PSMD1: variants seen among roughly 807,000 people sequenced by gnomAD.
PSMD1 encodes the protein proteasome 26S subunit, non-ATPase 1.
In PSMD1, 18 loss-of-function variants were observed where a neutral mutation model predicts 119.0. The observed-to-expected ratio is 0.15, with a 90% CI of 0.10 to 0.22. The LOEUF is 0.22. Among genes scored for constraint, PSMD1 ranks in the 10% least tolerant of loss-of-function variants. PSMD1 has a pLI of 1.00. For missense variants in PSMD1, 702 were observed against 1,158.5 expected (o/e 0.61, Z 5.72); for synonymous variants, 374 against 396.6 (o/e 0.94, Z 0.68).
chr2:231,080,049 A>AT, intron 11 of PSMD1, 92 bp from the exon 12 acceptor site: 1 of 1,171,260 alleles, frequency 8.5e-7, no homozygotes, highest in South Asian at 1.7e-5. Flanking sequence ...GCAAGTGAAC[A>AT]TTCTGGGGAA....
At chr2:231,157,346 G>A (rs925917282) in intron 19 of PSMD1, among the ~76,000 whole-genome samples, 13 of 150,538 alleles carry the variant, frequency 8.6e-5, no homozygotes, top group East Asian at 1.9e-4. Context: ...TCTATGTTTC[G>A]CCTCTTCTCT....
intron 20 of PSMD1, 42 bp downstream of exon 20, chr2:231,161,551 C>G: frequency 6.5e-7 from 1 of 1,545,570 alleles, no homozygotes. Flanking sequence ...TTCCTGTTCA[C>G]CGTATCTTAT....
intron 18 of PSMD1, among the ~76,000 whole-genome samples, chr2:231,148,806 T>C (rs994631509): frequency 6.6e-6 from 1 of 152,196 alleles, no homozygotes; most frequent in African/African-American, 2.4e-5. Context: ...CTTTCCTTTA[T>C]CTGATAATTG....
intron 16 of PSMD1, chr2:231,124,951 A>T (rs1695684154): frequency 6.6e-6 from 1 of 152,130 alleles, no homozygotes; most frequent in South Asian, 2.1e-4. Context: ...TTAATTCCAT[A>T]TGTGTTTATT....
At chr2:231,159,981 G>A (rs1483289674) in intron 19 of PSMD1, among the ~76,000 whole-genome samples, 1 of 152,234 alleles carries the variant, frequency 6.6e-6, no homozygotes, top group African/African-American at 2.4e-5. Context: ...GCAGAGCTCA[G>A]GTGGTAATGC....
intron 16 of PSMD1, among the ~76,000 whole-genome samples, chr2:231,130,660 A>G (rs1467709924): frequency 6.6e-6 from 1 of 152,032 alleles, no homozygotes; most frequent in Non-Finnish European, 1.5e-5. Context: ...GTTTCGCGGG[A>G]ATGCCAAGGC....
chr2:231,137,339 T>C (rs1245695642), intron 16 of PSMD1, among the ~76,000 whole-genome samples: 1 of 151,860 alleles, frequency 6.6e-6, no homozygotes, highest in Non-Finnish European at 1.5e-5. Flanking sequence ...GGTCTCAAAC[T>C]CCTGACCTCA....
At chr2:231,093,956 A>G (rs1343168291) in intron 16 of PSMD1, among the ~76,000 whole-genome samples, 1 of 152,220 alleles carries the variant, frequency 6.6e-6, no homozygotes, top group Non-Finnish European at 1.5e-5. Flanking sequence ...GCAAAAGTTA[A>G]GAGTAGATGT....
At chr2:231,165,355 A>T (rs547617674) in intron 22 of PSMD1, 69 bp downstream of exon 22, 47 of 1,453,976 alleles carry the variant, frequency 3.2e-5, no homozygotes, top group Non-Finnish European at 4.0e-5. Context: ...ATTCTTCCTT[A>T]GTTGAATATT....
At chr2:231,168,964 G>A (rs1250553342) in intron 23 of PSMD1, among the ~76,000 whole-genome samples, 1 of 152,140 alleles carries the variant, frequency 6.6e-6, no homozygotes, top group African/African-American at 2.4e-5. Flanking sequence ...CCACCATGAG[G>A]CAAGAGGAAG....
intron 22 of PSMD1, 23 bp from the exon 23 acceptor site, chr2:231,165,848 T>C (rs1437681832): frequency 1.3e-6 from 2 of 1,546,932 alleles, no homozygotes; most frequent in African/African-American, 2.8e-5. Context: ...TCTGTTGAAC[T>C]TTTTTTAAAT....
rs1559258501 is a variant in PSMD1 at position 231,172,615 on chromosome 2, A to C, written c.*90A>C. ...GAGGAAATTCATGCCGAGACCTGCTATTCAATGCATGTATCGTTGCCTCTG... is the reference window on the plus strand; with the variant it reads ...GAGGAAATTCATGCCGAGACCTGCTCTTCAATGCATGTATCGTTGCCTCTG... On this transcript the variant is annotated 3_prime_UTR_variant, in exon 25 of 25. Coordinates refer to ENST00000308696, the MANE Select transcript of PSMD1 (RefSeq NM_002807.4). 6.6e-6 allele frequency: 1 copy of C among 152,234 alleles called. No homozygotes were observed. 9.4% of individuals were successfully genotyped at this position (152,234 alleles called of 1,614,324 possible).
chr2:231,126,609 A>T (rs186885563), intron 16 of PSMD1, among the ~76,000 whole-genome samples: 329 of 152,288 alleles, frequency 2.2e-3, no homozygotes, highest in African/African-American at 7.8e-3. Flanking sequence ...TGTATGAAAT[A>T]AGCCTTTATT....
intron 16 of PSMD1, among the ~76,000 whole-genome samples, chr2:231,120,081 A>G (rs1695484528): frequency 6.6e-6 from 1 of 151,352 alleles, no homozygotes; most frequent in South Asian, 2.1e-4. Context: ...TCTCCCGAGT[A>G]GCTGGGACTA....
intron 16 of PSMD1, chr2:231,113,897 G>T: frequency 1.2e-6 from 2 of 1,614,090 alleles, no homozygotes; most frequent in Non-Finnish European, 1.7e-6. Flanking sequence ...AACCAGGCAG[G>T]ACATAGAACA....
At chr2:231,105,442 T>C (rs1325791089) in intron 16 of PSMD1, among the ~76,000 whole-genome samples, 1 of 152,168 alleles carries the variant, frequency 6.6e-6, no homozygotes, top group East Asian at 1.9e-4. Context: ...TGAATTATTT[T>C]AACTTGACAC....
At chr2:231,161,593 A>G (rs1696641078) in intron 20 of PSMD1, 84 bp downstream of exon 20, 1 of 1,372,610 alleles carries the variant, frequency 7.3e-7, no homozygotes. Context: ...AAGGATTTCC[A>G]TTAAATTTTA....
At chr2:231,069,731 T>C (rs912185106) in intron 5 of PSMD1, among the ~76,000 whole-genome samples, 3 of 152,252 alleles carry the variant, frequency 2.0e-5, no homozygotes, top group Non-Finnish European at 4.4e-5. Context: ...GTATATCTTT[T>C]ATAATAATTA....
intron 15 of PSMD1, among the ~76,000 whole-genome samples, chr2:231,085,337 C>A (rs1023596275): frequency 3.9e-5 from 6 of 152,172 alleles, no homozygotes; most frequent in Admixed American, 6.5e-5. Context: ...AATGGAAGTC[C>A]TTAAAGCCAT....
Sources: allele counts gnomAD v4.1 joint callset (sites outside exome capture counted in the v4.1 genomes callset), GRCh38; gene constraint gnomAD v4.1.1; transcripts MANE v1.5; gene names NCBI Gene and HGNC (gene_info 2026-07-23, HGNC 2026-07-21).